Variants in MYZAP observed in about 807,000 individuals in gnomAD.
MYZAP encodes GRINL1A complex locus upstream.
In MYZAP, 66 loss-of-function variants were observed where a neutral mutation model predicts 69.4. The observed-to-expected ratio is 0.95, with a 90% CI of 0.78 to 1.17. The LOEUF is 1.17. MYZAP is among the 50% of genes most tolerant of loss of function. The probability of loss-of-function intolerance (pLI) is 0.00; values close to 1 mark genes in which losing one functional copy is unlikely to be tolerated. For missense variants in MYZAP, 611 were observed against 556.2 expected (o/e 1.10, Z -0.99); for synonymous variants, 256 against 205.9 (o/e 1.24, Z -2.09).
chr15:57,673,351 C>A (rs1230967971), intron 11 of MYZAP, among the ~76,000 whole-genome samples: 1 of 152,134 alleles, frequency 6.6e-6, no homozygotes, highest in African/African-American at 2.4e-5. Context: ...CAAAGGCAGG[C>A]GTCTTCTGCC....
Position 57,650,224 on chromosome 15 carries a change from C to CT in MYZAP, c.1119+10680dup, listed in dbSNP as rs2037661396. 3.3e-5 allele frequency among the ~76,000 whole-genome samples: 5 copies of CT among 152,230 alleles called. No homozygotes were observed. In the South Asian group the frequency reaches 1.0e-3, roughly 32 times the overall value. ...CCTGTGCCATTGTCTTTGAACAATCCTGTTTTCCTGCCCCTCTGCTGAAGA... is the reference window on the plus strand; with the variant it reads ...CCTGTGCCATTGTCTTTGAACAATCCTTGTTTTCCTGCCCCTCTGCTGAAGA... On this transcript the variant is annotated intron_variant, in intron 10 of 12. Transcript: ENST00000267853.
Position 57,637,604 on chromosome 15 carries a change from C to T in MYZAP, c.934-91C>T, listed in dbSNP as rs575022414. 2.8e-6 allele frequency: 4 copies of T among 1,425,394 alleles called. No individual in the cohort carries two copies. In the South Asian group the frequency reaches 3.9e-5, roughly 14 times the overall value. 88.3% of individuals were successfully genotyped at this position (1,425,394 alleles called of 1,614,324 possible). The stretch of plus-strand genomic sequence containing the variant: ...TAAAACCCAGGGGGTGTCATATAGA[C>T]TTGGACTCCCTAGTGCTAGAATTGC... On this transcript the variant is annotated intron_variant, in intron 8 of 12. Transcript: ENST00000267853.
In MYZAP at chr15:57,649,187, C is replaced by A. The variant is rs375083834; in HGVS notation, c.1119+9642C>A. On this transcript the variant is annotated intron_variant, in intron 10 of 12. Coordinates refer to ENST00000267853, the MANE Select transcript of MYZAP (RefSeq NM_001018100.5). Reference sequence around the variant, plus strand: ...TTTATTCTTTTACAAACAATACCAACATGTCTCCAGGCTTCTCTAACTAGG... The same window carrying A: ...TTTATTCTTTTACAAACAATACCAAAATGTCTCCAGGCTTCTCTAACTAGG... 3.2e-4 allele frequency among the ~76,000 whole-genome samples: 49 copies of A among 152,264 alleles called. No homozygotes were observed. In the East Asian group the frequency reaches 8.7e-3, roughly 27 times the overall value.
At chr15:57,613,010 C>A (rs2035207447) in intron 2 of MYZAP, among the ~76,000 whole-genome samples, 1 of 151,536 alleles carries the variant, frequency 6.6e-6, no homozygotes, top group South Asian at 2.1e-4. Flanking sequence ...CGGCTCACTG[C>A]AAGCTCCACC....
At chr15:57,676,897 C>G (rs2039164908) in intron 12 of MYZAP, among the ~76,000 whole-genome samples, 1 of 152,172 alleles carries the variant, frequency 6.6e-6, no homozygotes, top group Non-Finnish European at 1.5e-5. Flanking sequence ...GCAGCTTTTC[C>G]ATAAATGTAA....
At chr15:57,618,493 A>C (rs919457281) in intron 3 of MYZAP, among the ~76,000 whole-genome samples, 1 of 152,052 alleles carries the variant, frequency 6.6e-6, no homozygotes, top group East Asian at 1.9e-4. Context: ...TCTTTATTGC[A>C]CTTACCAGTC....
At chr15:57,657,597 A>G (rs1333491872) in intron 10 of MYZAP, among the ~76,000 whole-genome samples, 2 of 152,122 alleles carry the variant, frequency 1.3e-5, no homozygotes, top group African/African-American at 4.8e-5. Flanking sequence ...TTCATAATTT[A>G]TTACCCTTTC....
chr15:57,667,356 G>T (rs1451958381), intron 11 of MYZAP, among the ~76,000 whole-genome samples: 1 of 152,164 alleles, frequency 6.6e-6, no homozygotes, highest in Non-Finnish European at 1.5e-5. Context: ...TCCAAAAAAT[G>T]TCCAGAAGTG....
chr15:57,629,583 G>C (rs1465446809), intron 5 of MYZAP, 119 bp from the exon 6 acceptor site: 3 of 1,357,974 alleles, frequency 2.2e-6, no homozygotes, highest in Non-Finnish European at 3.0e-6. Flanking sequence ...ACTGGCAGTT[G>C]CTGTAGCCTA....
At chr15:57,679,362 G>GTGTGTGTGTGTT (rs1331023343) in intron 12 of MYZAP, among the ~76,000 whole-genome samples, 1 of 40,842 alleles carries the variant, frequency 2.4e-5, no homozygotes, top group Non-Finnish European at 5.1e-5. Flanking sequence ...GTGTGTGTGT[G>GTGTGTGTGTGTT]TGTGTGTGTG....
chr15:57,636,321 G>C (rs1198021091), intron 8 of MYZAP, among the ~76,000 whole-genome samples: 1 of 152,080 alleles, frequency 6.6e-6, no homozygotes, highest in African/African-American at 2.4e-5. Flanking sequence ...AGTCAAAGTT[G>C]ATCTACCTTT....
rs2034603954 is a variant in MYZAP at position 57,604,352 on chromosome 15, G to A, written c.159G>A (p.Glu53=). 1 of 1,614,138 alleles carries A rather than the reference G, an allele frequency of 6.2e-7. No individual in the cohort carries two copies. The highest frequency in any genetic ancestry group is 8.5e-7 in the Non-Finnish European group (1 of 1,180,000). ...GTGAAAAGAAGATTGAGAGAAAAGA[G>A]CAGGTAAGGTATCTCCGAGGCAAAG... is the stretch of plus-strand genomic sequence containing the variant. ...EQCEKKIERK[E]QLLDLSNGEP... is the part of the protein sequence containing the mutation. Residue 53 remains glutamate, a synonymous_variant, in exon 2 of 13, where the codon GAG becomes GAA. Coordinates refer to ENST00000267853, the MANE Select transcript of MYZAP (RefSeq NM_001018100.5).
chr15:57,630,569 G>A (rs370200520), intron 6 of MYZAP, among the ~76,000 whole-genome samples: 2 of 152,150 alleles, frequency 1.3e-5, no homozygotes, highest in Admixed American at 1.3e-4. Context: ...ATTGGTGGGT[G>A]ACTAGGGACA....
intron 10 of MYZAP, among the ~76,000 whole-genome samples, chr15:57,641,278 A>T (rs925133145): frequency 2.0e-5 from 3 of 152,166 alleles, no homozygotes; most frequent in African/African-American, 7.2e-5. Context: ...GACATTTTCA[A>T]AGAAGTTTAG....
At chr15:57,667,672 C>G (rs1180174276) in intron 11 of MYZAP, among the ~76,000 whole-genome samples, 1 of 152,194 alleles carries the variant, frequency 6.6e-6, no homozygotes, top group Non-Finnish European at 1.5e-5. Flanking sequence ...CTCTAACTCT[C>G]CTCTTACTGC....
At chr15:57,631,691 G>A (rs1257084215) in intron 6 of MYZAP, among the ~76,000 whole-genome samples, 1 of 152,122 alleles carries the variant, frequency 6.6e-6, no homozygotes, top group East Asian at 1.9e-4. Flanking sequence ...AGAAGTCAAG[G>A]GCGTCAAGAG....
intron 11 of MYZAP, among the ~76,000 whole-genome samples, chr15:57,665,960 A>G (rs2038550251): frequency 6.6e-6 from 1 of 152,230 alleles, no homozygotes; most frequent in African/African-American, 2.4e-5. Context: ...CCCTCTGAGC[A>G]TCAGTTTCAG....
intron 6 of MYZAP, among the ~76,000 whole-genome samples, chr15:57,630,991 C>G (rs1356474377): frequency 6.6e-6 from 1 of 152,174 alleles, no homozygotes; most frequent in Non-Finnish European, 1.5e-5. Flanking sequence ...CTCTGTATTG[C>G]CGCCCTGGGG....
intron 2 of MYZAP, among the ~76,000 whole-genome samples, chr15:57,615,300 A>G (rs2035362653): frequency 6.6e-6 from 1 of 152,240 alleles, no homozygotes; most frequent in Non-Finnish European, 1.5e-5. Context: ...GTCTTCAAAC[A>G]AAAAATGAAA....
Sources: gnomAD v4.1 joint callset for allele counts (sites outside exome capture counted in the v4.1 genomes callset) on GRCh38, gnomAD v4.1.1 for gene constraint, MANE v1.5 for transcripts, NCBI Gene and HGNC (gene_info 2026-07-23, HGNC 2026-07-21) for gene names.